The following LHCGR variants were observed in gnomAD, a reference collection of about 807,000 sequenced individuals.
The protein encoded by LHCGR is luteinizing hormone/choriogonadotropin receptor.
LHCGR carries 55 observed loss-of-function variants against 60.7 expected under a neutral mutation model. That is an observed-to-expected ratio of 0.91 (90% CI 0.73 to 1.13). LHCGR has a LOEUF of 1.13. LHCGR is among the 50% of genes most tolerant of loss of function. The pLI, the probability that LHCGR is intolerant of heterozygous loss-of-function variation, is 0.00. For missense variants in LHCGR, 862 were observed against 836.0 expected (o/e 1.03, Z -0.38); for synonymous variants, 337 against 316.5 (o/e 1.06, Z -0.69).
At position 48,731,214 on chromosome 2, in the gene LHCGR, G is replaced by T; in HGVS notation, c.233+13C>A. ...AATTACGAATGTCTTTTGATATGCA[G>T]TAACTTACTTACATTTTTATGACCT... On this transcript the variant is annotated intron_variant, in intron 2 of 10. Transcript: ENST00000294954. 1.3e-6 allele frequency: 2 copies of T among 1,563,500 alleles called. No homozygotes were observed. The highest frequency in any genetic ancestry group is 1.8e-6 in the Non-Finnish European group (2 of 1,135,038).
chr2:48,754,714 T>C (rs1412204106), intron 1 of LHCGR, among the ~76,000 whole-genome samples: 2 of 152,008 alleles, frequency 1.3e-5, no homozygotes, highest in African/African-American at 4.8e-5. Context: ...TTCATGTAAA[T>C]AGTATTATAA....
In LHCGR at chr2:48,729,217, G is replaced by A; in HGVS notation, c.244C>T (p.Gln82Ter). ...LNEVIKIEIS[Q>*]IDSLERIEAN... ...TCTATCCTTTCCAGGGAATCAATCTGAGAGATTTCACTAGGGAAGAGAGGA... is the reference window on the plus strand; with the variant it reads ...TCTATCCTTTCCAGGGAATCAATCTAAGAGATTTCACTAGGGAAGAGAGGA... The change falls in exon 3 of 11, where the codon CAG becomes TAG. Residue 82 changes from glutamine to a stop codon, truncating the protein, a stop_gained. Transcript: ENST00000294954. LOFTEE classifies it high-confidence loss of function. The A allele has an allele frequency of 6.2e-7, 1 of 1,607,826 alleles. No individual in the cohort carries two copies.
chr2:48,731,815 A>G (rs1669006296), intron 1 of LHCGR, among the ~76,000 whole-genome samples: 1 of 152,174 alleles, frequency 6.6e-6, no homozygotes, highest in Admixed American at 6.6e-5. Flanking sequence ...TGAAAATACA[A>G]CTGGAAATCA....
At chr2:48,726,560 G>A (rs1668738604) in intron 3 of LHCGR, among the ~76,000 whole-genome samples, 1 of 152,134 alleles carries the variant, frequency 6.6e-6, no homozygotes, top group Admixed American at 6.5e-5. Context: ...GCTAAGTCCT[G>A]TCTACTTTGT....
chr2:48,745,025 A>C (rs1164611907), intron 1 of LHCGR, among the ~76,000 whole-genome samples: 2 of 152,200 alleles, frequency 1.3e-5, no homozygotes, highest in African/African-American at 2.4e-5. Context: ...CCCATCAAAA[A>C]GTGGGCGAAG....
intron 1 of LHCGR, among the ~76,000 whole-genome samples, chr2:48,742,328 T>C (rs1243872809): frequency 6.6e-6 from 1 of 152,092 alleles, no homozygotes; most frequent in Non-Finnish European, 1.5e-5. Context: ...AACTCAGCTC[T>C]GCACCAAGCG....
At chr2:48,745,194 C>A (rs1418788343) in intron 1 of LHCGR, among the ~76,000 whole-genome samples, 2 of 152,090 alleles carry the variant, frequency 1.3e-5, no homozygotes, top group Non-Finnish European at 2.9e-5. Flanking sequence ...AGTCAGGAAA[C>A]GACAGATGCT....
rs1388958749 is a variant in LHCGR, at chr2:48,755,682, C to G, written c.-11G>C. On this transcript the variant is annotated 5_prime_UTR_variant, in exon 1 of 11. Coordinates refer to ENST00000294954, the MANE Select transcript of LHCGR (RefSeq NM_000233.4). Reference sequence around the variant, plus strand: ...GAACCGCTGCTTCATGGCCGGCGAACTGGGCTTCTGCGGCTTGCCAGTGTC... The same window carrying G: ...GAACCGCTGCTTCATGGCCGGCGAAGTGGGCTTCTGCGGCTTGCCAGTGTC... 1 of 1,534,672 alleles carries G rather than the reference C, an allele frequency of 6.5e-7. No homozygotes were observed. Among genetic ancestry groups the G allele is most frequent in the Non-Finnish European group, 8.7e-7 (1 of 1,146,378 alleles).
intron 8 of LHCGR, among the ~76,000 whole-genome samples, chr2:48,699,689 C>G (rs1410096101): frequency 2.6e-5 from 4 of 152,232 alleles, no homozygotes; most frequent in Non-Finnish European, 5.9e-5. Context: ...AATGCATTCT[C>G]TAATGCAGAA....
At chr2:48,709,092 C>T in intron 7 of LHCGR, 70 bp from the exon 8 acceptor site, 2 of 1,163,726 alleles carry the variant, frequency 1.7e-6, no homozygotes, top group South Asian at 1.2e-5. Flanking sequence ...TCCATATACA[C>T]ATGTTTAGAC....
In LHCGR at chr2:48,687,621, G is replaced by T; in HGVS notation, c.*76C>A. On this transcript the variant is annotated 3_prime_UTR_variant, in exon 11 of 11. Transcript: ENST00000294954. ...TAATTTCCTAAATCCAACCCTTTAT[G>T]TTAAAATTACTGGTACAGGTAATTT... 2 of 1,240,030 alleles carry T rather than the reference G, an allele frequency of 1.6e-6. No homozygotes were observed. The highest frequency in any genetic ancestry group is 2.4e-6 in the Non-Finnish European group (2 of 844,488). 76.8% of individuals were successfully genotyped at this position (1,240,030 alleles called of 1,614,324 possible). A position where few individuals can be genotyped will look rare whatever the true frequency, so the allele number is the denominator to read the frequency against.
At chr2:48,712,813 C>A (rs1289449434) in intron 7 of LHCGR, among the ~76,000 whole-genome samples, 2 of 152,052 alleles carry the variant, frequency 1.3e-5, no homozygotes, top group African/African-American at 4.8e-5. Context: ...GACACTGTGG[C>A]TTAGATCGGT....
chr2:48,725,673 C>T lies in LHCGR; in HGVS notation c.383+3G>A. ...CAATTGCTTAAAAAGGAAAATTTCTCACAAGTATTTTAATCGGGGAAGATT... is the reference window on the plus strand; with the variant it reads ...CAATTGCTTAAAAAGGAAAATTTCTTACAAGTATTTTAATCGGGGAAGATT... On this transcript the variant is annotated splice_donor_region_variant and intron_variant, in intron 4 of 10. Coordinates refer to ENST00000294954, the MANE Select transcript of LHCGR (RefSeq NM_000233.4). 1 of 1,609,266 alleles carries T rather than the reference C, an allele frequency of 6.2e-7. No homozygotes were observed. The highest frequency in any genetic ancestry group is 1.3e-5 in the African/African-American group (1 of 74,886).
chr2:48,707,775 A>G (rs1667768121), intron 8 of LHCGR, among the ~76,000 whole-genome samples: 1 of 152,244 alleles, frequency 6.6e-6, no homozygotes, highest in East Asian at 1.9e-4. Flanking sequence ...AGCAGCAAGA[A>G]CTTCAAGCCA....
intron 8 of LHCGR, among the ~76,000 whole-genome samples, chr2:48,699,206 C>T (rs933541533): frequency 4.6e-5 from 7 of 152,200 alleles, no homozygotes; most frequent in Admixed American, 4.6e-4. Context: ...TTTTCTCCAT[C>T]TTGCTTTCCC....
chr2:48,747,686 C>A (rs1382768771), intron 1 of LHCGR, among the ~76,000 whole-genome samples: 1 of 152,172 alleles, frequency 6.6e-6, no homozygotes, highest in Non-Finnish European at 1.5e-5. Context: ...GGAAAGCTCC[C>A]TGAGCAGCTT....
intron 6 of LHCGR, among the ~76,000 whole-genome samples, chr2:48,714,907 G>A (rs1043131449): frequency 1.3e-5 from 2 of 152,160 alleles, no homozygotes; most frequent in African/African-American, 4.8e-5. Flanking sequence ...GCTCAGTGAG[G>A]GAAAGTGACT....
intron 1 of LHCGR, among the ~76,000 whole-genome samples, chr2:48,743,222 G>A (rs898948787): frequency 6.6e-5 from 10 of 152,016 alleles, no homozygotes; most frequent in Non-Finnish European, 1.3e-4. Flanking sequence ...ACCAAAAAGA[G>A]TCCAGGACCA....
At chr2:48,740,967 T>A (rs1032598433) in intron 1 of LHCGR, among the ~76,000 whole-genome samples, 3 of 152,094 alleles carry the variant, frequency 2.0e-5, no homozygotes, top group African/African-American at 7.2e-5. Context: ...AATGTATAAC[T>A]AGAATAACCG....
Sources: gnomAD v4.1 joint callset for allele counts (sites outside exome capture counted in the v4.1 genomes callset) on GRCh38, gnomAD v4.1.1 for gene constraint, MANE v1.5 for transcripts, NCBI Gene and HGNC (gene_info 2026-07-23, HGNC 2026-07-21) for gene names.